Variants in CSMD1 observed in about 807,000 individuals in gnomAD.
The protein encoded by CSMD1 is CUB and sushi domain-containing protein 1.
Under a neutral mutation model 417.5 loss-of-function variants are expected in CSMD1, and 213 were observed. The ratio of observed to expected loss-of-function variants is 0.51; its 90% CI spans 0.46 to 0.57. The LOEUF (loss-of-function observed/expected upper bound fraction) is 0.57. CSMD1 is among the 20% of genes least tolerant of loss of function. CSMD1 has a pLI of 0.00. For missense variants in CSMD1, 6,923 were observed against 4,529.7 expected, an observed-to-expected ratio of 1.53 and a Z score of -15.17; for synonymous variants, 2,862 against 1,736.8, an observed-to-expected ratio of 1.65 and a Z score of -16.11.
intron 37 of CSMD1, among the ~76,000 whole-genome samples, chr8:3,165,478 C>T (rs1820149194): frequency 6.6e-6 from 1 of 151,922 alleles, no homozygotes; most frequent in African/African-American, 2.4e-5. Flanking sequence ...GTCGCCCAGG[C>T]TGGAGTGCAG....
chr8:3,500,845 T>G (rs1438351319), intron 10 of CSMD1, among the ~76,000 whole-genome samples: 2 of 152,118 alleles, frequency 1.3e-5, no homozygotes, highest in African/African-American at 4.8e-5. Context: ...GCGGAGTAAG[T>G]GGTTCTGCAG....
chr8:4,210,665 T>C (rs147413398), intron 3 of CSMD1, among the ~76,000 whole-genome samples: 1,708 of 152,280 alleles, frequency 0.011, 16 homozygotes, highest in Non-Finnish European at 0.015. Context: ...AAAACACTTA[T>C]CTGAAGAAAG....
intron 26 of CSMD1, among the ~76,000 whole-genome samples, chr8:3,241,297 T>C (rs1799497005): frequency 6.6e-6 from 1 of 150,892 alleles, no homozygotes; most frequent in Non-Finnish European, 1.5e-5. Context: ...AGCCTGGCCG[T>C]CAATACCCAC....
At chr8:4,403,895 C>G (rs1046501065) in intron 3 of CSMD1, among the ~76,000 whole-genome samples, 1 of 152,180 alleles carries the variant, frequency 6.6e-6, no homozygotes, top group Non-Finnish European at 1.5e-5. Context: ...ATTCTCACAT[C>G]CCCTACCCAC....
chr8:4,096,714 G>A (rs146715953), intron 3 of CSMD1, among the ~76,000 whole-genome samples: 1 of 152,162 alleles, frequency 6.6e-6, no homozygotes, highest in Admixed American at 6.5e-5. Flanking sequence ...CTAATCCATA[G>A]GTAATCATCT....
At chr8:3,964,941 G>T (rs1256896787) in intron 5 of CSMD1, among the ~76,000 whole-genome samples, 5 of 152,136 alleles carry the variant, frequency 3.3e-5, no homozygotes, top group Middle Eastern at 3.4e-3. Context: ...TCATTTTGGG[G>T]GTTTATCCTC....
chr8:4,751,904 G>T (rs140453734), intron 1 of CSMD1, among the ~76,000 whole-genome samples: 4 of 152,298 alleles, frequency 2.6e-5, no homozygotes, highest in African/African-American at 9.6e-5. Flanking sequence ...TCTCAGTAAA[G>T]TGTTAGTTCC....
intron 4 of CSMD1, among the ~76,000 whole-genome samples, chr8:4,021,270 C>G (rs1796775976): frequency 6.6e-6 from 1 of 152,290 alleles, no homozygotes; most frequent in African/African-American, 2.4e-5. Context: ...TACATTAATT[C>G]TGCATTAAAA....
rs369154458 is a variant in CSMD1, at chr8:3,427,793, C to G, written c.1562-18188G>C. Reference sequence around the variant, plus strand: ...TGAAATTCAGAGAGGAAACAAGAGACTACTTTAAAAACCCTCTCTAGAGGA... The same window carrying G: ...TGAAATTCAGAGAGGAAACAAGAGAGTACTTTAAAAACCCTCTCTAGAGGA... On this transcript the variant is annotated intron_variant, in intron 12 of 69. Coordinates refer to ENST00000635120, the MANE Select transcript of CSMD1 (RefSeq NM_033225.6). 4.0e-4 allele frequency among the ~76,000 whole-genome samples: 61 copies of G among 152,228 alleles called. No individual in the cohort carries two copies. The South Asian group carries it at 0.012, about 29-fold the overall frequency.
chr8:4,406,535 G>C (rs146609682), intron 3 of CSMD1, among the ~76,000 whole-genome samples: 1 of 152,140 alleles, frequency 6.6e-6, no homozygotes, highest in African/African-American at 2.4e-5. Flanking sequence ...ATTCTAAGAA[G>C]TTTGAGGAGC....
intron 6 of CSMD1, among the ~76,000 whole-genome samples, chr8:3,710,390 G>C (rs1801440036): frequency 6.6e-6 from 1 of 152,144 alleles, no homozygotes; most frequent in South Asian, 2.1e-4. Flanking sequence ...AGGATGCCAA[G>C]ACTGTGTAAG....
intron 1 of CSMD1, among the ~76,000 whole-genome samples, chr8:4,717,430 A>G (rs554153251): frequency 6.6e-6 from 1 of 151,106 alleles, no homozygotes; most frequent in African/African-American, 2.5e-5. Flanking sequence ...ATATATATAC[A>G]CATACACTAT....
intron 49 of CSMD1, among the ~76,000 whole-genome samples, chr8:3,053,140 T>G (rs1335726559): frequency 6.6e-6 from 1 of 152,124 alleles, no homozygotes; most frequent in Non-Finnish European, 1.5e-5. Flanking sequence ...TTAAGTATAT[T>G]AAAGGTTAAA....
intron 3 of CSMD1, among the ~76,000 whole-genome samples, chr8:4,167,675 G>A (rs4875296): frequency 5.3e-5 from 8 of 151,952 alleles, no homozygotes; most frequent in African/African-American, 1.9e-4. Context: ...AAAGATATTG[G>A]TTATATGATC....
At chr8:4,700,844 G>T (rs904814808) in intron 1 of CSMD1, among the ~76,000 whole-genome samples, 3 of 152,108 alleles carry the variant, frequency 2.0e-5, no homozygotes, top group African/African-American at 7.2e-5. Context: ...AGCAAGAATA[G>T]GAAGAAAGGA....
At chr8:4,015,848 T>TCGAA (rs1426762301) in intron 4 of CSMD1, among the ~76,000 whole-genome samples, 3 of 152,164 alleles carry the variant, frequency 2.0e-5, no homozygotes, top group Non-Finnish European at 4.4e-5. Flanking sequence ...CAATAATGGT[T>TCGAA]CGTATGCTGC....
At chr8:3,310,854 C>T (rs1412523421) in intron 23 of CSMD1, among the ~76,000 whole-genome samples, 12 of 151,418 alleles carry the variant, frequency 7.9e-5, no homozygotes, top group Admixed American at 7.2e-4. Context: ...CCGAACTTCT[C>T]GTTTTTCAAG....
intron 3 of CSMD1, among the ~76,000 whole-genome samples, chr8:4,206,236 G>C (rs577406518): frequency 1.2e-4 from 18 of 152,174 alleles, no homozygotes; most frequent in African/African-American, 4.1e-4. Flanking sequence ...GAGTACATGT[G>C]CACAAGGGGC....
chr8:4,713,091 C>A (rs912602050), intron 1 of CSMD1, among the ~76,000 whole-genome samples: 1 of 152,202 alleles, frequency 6.6e-6, no homozygotes, highest in Non-Finnish European at 1.5e-5. Flanking sequence ...CTCAAATCCC[C>A]ACCATTAAAG....
Sources: gnomAD v4.1 joint callset for allele counts (sites outside exome capture counted in the v4.1 genomes callset) on GRCh38, gnomAD v4.1.1 for gene constraint, MANE v1.5 for transcripts, NCBI Gene and HGNC (gene_info 2026-07-23, HGNC 2026-07-21) for gene names.